The following PDE11A variants were observed in gnomAD, a reference collection of about 807,000 sequenced individuals.
PDE11A encodes the protein dual 3',5'-cyclic-AMP and -GMP phosphodiesterase 11A.
Under a neutral mutation model 100.5 loss-of-function variants are expected in PDE11A, and 100 were observed. The ratio of observed to expected loss-of-function variants is 1.00; its 90% confidence interval spans 0.85 to 1.18. The LOEUF (loss-of-function observed/expected upper bound fraction) is 1.18. Ranked by LOEUF, PDE11A falls within the 50% of genes most tolerant of loss-of-function variation. PDE11A has a pLI of 0.00. For synonymous variants in PDE11A, 381 were observed against 420.8 expected (o/e 0.91, Z 1.16); for missense variants, 1,141 against 1,152.6 (o/e 0.99, Z 0.15).
At chr2:177,783,870 T>C (rs2082491787) in intron 9 of PDE11A, among the ~76,000 whole-genome samples, 1 of 152,192 alleles carries the variant, frequency 6.6e-6, no homozygotes, top group African/African-American at 2.4e-5. Flanking sequence ...TTTAAAAAAT[T>C]ATTTGTTATA....
rs184284894 is a variant in PDE11A, at chr2:177,828,385, G to A, written c.1501-8090C>T. On this transcript the variant is annotated intron_variant, in intron 6 of 19. Coordinates refer to ENST00000286063, the MANE Select transcript of PDE11A (RefSeq NM_016953.4). ...GAATGTCTATTATTTACTAAACATG[G>A]TTCTAGGTGTTGGGGATACAGCAGT... is the stretch of plus-strand genomic sequence containing the variant. 2.0e-5 allele frequency among the ~76,000 whole-genome samples: 3 copies of A among 152,014 alleles called. No homozygotes were observed. The East Asian group carries it at 5.8e-4, about 29-fold the overall frequency.
chr2:178,065,719 T>C (rs2087034451), intron 1 of PDE11A, among the ~76,000 whole-genome samples: 1 of 152,042 alleles, frequency 6.6e-6, no homozygotes, highest in South Asian at 2.1e-4. Context: ...AGTGTTGGAG[T>C]AGGATCAACA....
intron 12 of PDE11A, among the ~76,000 whole-genome samples, chr2:177,712,806 C>T (rs1345480149): frequency 1.3e-5 from 2 of 152,132 alleles, no homozygotes; most frequent in Non-Finnish European, 2.9e-5. Flanking sequence ...CATTTCATTA[C>T]TTATTAAAAT....
chr2:178,056,196 G>T (rs749090740), intron 1 of PDE11A, among the ~76,000 whole-genome samples: 1 of 152,068 alleles, frequency 6.6e-6, no homozygotes, highest in Non-Finnish European at 1.5e-5. Context: ...AATAACAAAG[G>T]TGATTGTCCC....
At chr2:177,965,596 G>C (rs188741221) in intron 2 of PDE11A, among the ~76,000 whole-genome samples, 1 of 152,246 alleles carries the variant, frequency 6.6e-6, no homozygotes, top group African/African-American at 2.4e-5. Context: ...AGTTATCCCA[G>C]CACCATTTAT....
Position 177,628,816 on chromosome 2 carries a change from G to C in PDE11A, c.*591C>G, listed in dbSNP as rs762791190. The C allele has an allele frequency of 1.7e-4, 26 of 155,394 alleles. No individual in the cohort carries two copies. The highest frequency in any genetic ancestry group is 3.4e-4 in the Non-Finnish European group (24 of 70,104). The allele number at this position is 155,394 out of a possible 1,614,324, so 9.6% of individuals were successfully genotyped here. ...GTCCTACTATGTATTCATTTTTAGG[G>C]GGAGAACTGGGATTGATCAGTATTT... On this transcript the variant is annotated 3_prime_UTR_variant, in exon 20 of 20. Transcript: ENST00000286063.
chr2:178,084,473 T>G (rs2087323846), intron 2 of PDE11A, among the ~76,000 whole-genome samples: 1 of 152,196 alleles, frequency 6.6e-6, no homozygotes, highest in African/African-American at 2.4e-5. Flanking sequence ...CTTGGTTTGT[T>G]GCTCACATAT....
At chr2:177,642,835 G>A (rs940841868) in intron 19 of PDE11A, among the ~76,000 whole-genome samples, 3 of 152,172 alleles carry the variant, frequency 2.0e-5, no homozygotes, top group Non-Finnish European at 2.9e-5. Flanking sequence ...AACCCAGTGG[G>A]AGGCAATTAA....
chr2:177,848,963 T>C (rs1451619281), intron 5 of PDE11A, among the ~76,000 whole-genome samples: 2 of 152,190 alleles, frequency 1.3e-5, no homozygotes, highest in Non-Finnish European at 2.9e-5. Flanking sequence ...AATAAAATAA[T>C]GCTAATCATT....
chr2:177,763,842 T>C (rs543070355), intron 10 of PDE11A, among the ~76,000 whole-genome samples: 9 of 152,190 alleles, frequency 5.9e-5, no homozygotes, highest in South Asian at 2.1e-4. Flanking sequence ...TTTGTGGCAA[T>C]TGGAGAAAGG....
At chr2:177,793,385 T>C (rs1212606185) in intron 9 of PDE11A, among the ~76,000 whole-genome samples, 1 of 152,048 alleles carries the variant, frequency 6.6e-6, no homozygotes. Context: ...TGAACTTACA[T>C]AAATGGATTC....
At chr2:177,714,991 T>C (rs1171994439) in intron 12 of PDE11A, among the ~76,000 whole-genome samples, 1 of 152,194 alleles carries the variant, frequency 6.6e-6, no homozygotes, top group Non-Finnish European at 1.5e-5. Flanking sequence ...CTCCTGTGTC[T>C]GGTTCCCCAC....
At chr2:177,817,139 G>A (rs150571531) in intron 8 of PDE11A, among the ~76,000 whole-genome samples, 51 of 152,238 alleles carry the variant, frequency 3.4e-4, no homozygotes, top group African/African-American at 1.2e-3. Flanking sequence ...TGAATTTAAT[G>A]TCATTGTAGA....
At chr2:177,998,260 C>T in intron 2 of PDE11A, 4 of 831,194 alleles carry the variant, frequency 4.8e-6, no homozygotes, top group African/African-American at 1.7e-5. Flanking sequence ...AGCTCTTCCA[C>T]TTCCTTTGTT....
rs1209403124 is a variant in PDE11A at position 177,945,484 on chromosome 2, A to C, written c.1072-40297T>G. On this transcript the variant is annotated intron_variant, in intron 2 of 19. Coordinates refer to ENST00000286063, the MANE Select transcript of PDE11A (RefSeq NM_016953.4). ...CCTCTGCCCCGCCGCCCCATCTGGG[A>C]TGTGAGGAGGCCTCTGCCCGGCCGA... 4.4e-5 allele frequency among the ~76,000 whole-genome samples: 6 copies of C among 137,794 alleles called. 1 individual carries two copies. The highest frequency in any genetic ancestry group is 1.6e-5 in the Non-Finnish European group (1 of 63,038). The allele number at this position is 137,794 out of a possible 152,430, so 90.4% of individuals were successfully genotyped here.
intron 10 of PDE11A, among the ~76,000 whole-genome samples, chr2:177,767,695 A>T (rs1287728062): frequency 6.6e-6 from 1 of 152,054 alleles, no homozygotes; most frequent in Non-Finnish European, 1.5e-5. Context: ...CCGTTTTAAA[A>T]TTTTCTTAAT....
At chr2:177,709,485 C>A (rs956675235) in intron 13 of PDE11A, among the ~76,000 whole-genome samples, 1 of 151,970 alleles carries the variant, frequency 6.6e-6, no homozygotes, top group Non-Finnish European at 1.5e-5. Flanking sequence ...GAGGGAAAGA[C>A]TGAGGTTGAG....
chr2:177,838,598 C>G (rs996870853), intron 6 of PDE11A, among the ~76,000 whole-genome samples: 16 of 152,150 alleles, frequency 1.1e-4, no homozygotes, highest in Non-Finnish European at 2.2e-4. Flanking sequence ...AGTCAGATCT[C>G]CCCCAGAGGC....
At chr2:177,684,874 C>T (rs2080919904) in intron 15 of PDE11A, among the ~76,000 whole-genome samples, 1 of 152,150 alleles carries the variant, frequency 6.6e-6, no homozygotes, top group Non-Finnish European at 1.5e-5. Context: ...ATAACAGCTG[C>T]CCCAAGCAGC....
Sources: allele counts gnomAD v4.1 joint callset (sites outside exome capture counted in the v4.1 genomes callset), GRCh38; gene constraint gnomAD v4.1.1; transcripts MANE v1.5; gene names NCBI Gene and HGNC (gene_info 2026-07-23, HGNC 2026-07-21).